The following AGBL3 variants were observed in gnomAD, a reference collection of about 807,000 sequenced individuals.
AGBL3 encodes cytosolic carboxypeptidase 3.
AGBL3 carries 68 observed loss-of-function variants against 94.5 expected under a neutral mutation model. The observed-to-expected ratio is 0.72, with a 90% CI of 0.59 to 0.88. The LOEUF (loss-of-function observed/expected upper bound fraction) is 0.88. Ranked by LOEUF, AGBL3 falls within the 40% of genes least tolerant of loss-of-function variation. AGBL3 has a pLI of 0.00. For missense variants in AGBL3, 934 were observed against 1,103.8 expected (o/e 0.85, Z 2.18); for synonymous variants, 354 against 370.7 (o/e 0.95, Z 0.52).
intron 15 of AGBL3, among the ~76,000 whole-genome samples, chr7:135,096,393 A>C (rs1161481606): frequency 7.4e-6 from 1 of 135,398 alleles, no homozygotes; most frequent in East Asian, 2.8e-4. Flanking sequence ...GAAGGAAGGA[A>C]GGGAGGGAGG....
At chr7:135,020,243 G>T (rs902901210) in intron 5 of AGBL3, among the ~76,000 whole-genome samples, 6 of 152,144 alleles carry the variant, frequency 3.9e-5, no homozygotes, top group African/African-American at 1.4e-4. Context: ...CAACAAGTGG[G>T]TGAAGGATAT....
rs1464850967 is a variant in AGBL3 at position 135,135,251 on chromosome 7, G to A, written c.2753G>A (p.Arg918Lys). ...CCCACCTTATATCTGAAGTTCCAAA[G>A]GGAGAGTTAATCTAGCTTTATACTG... is the stretch of plus-strand genomic sequence containing the variant. ...GQPTLYLKFQ[R>K]ES The change falls in exon 17 of 17, where the codon AGG becomes AAG. Residue 918 changes from arginine to lysine, a missense_variant. Around this residue, in one of 3 missense-constraint regions of AGBL3, gnomAD observed 441 missense variants for 518.2 expected, o/e 0.85. Coordinates refer to ENST00000436302, the MANE Select transcript of AGBL3 (RefSeq NM_178563.4). 5 of 1,518,948 alleles carry A rather than the reference G, an allele frequency of 3.3e-6. No homozygotes were observed. Among genetic ancestry groups the A allele is most frequent in the Non-Finnish European group, 4.4e-6 (5 of 1,133,042 alleles). 94.1% of individuals were successfully genotyped at this position (1,518,948 alleles called of 1,614,324 possible).
intron 4 of AGBL3, among the ~76,000 whole-genome samples, chr7:135,004,159 A>AT (rs1286074731): frequency 2.0e-5 from 3 of 151,732 alleles, no homozygotes; most frequent in Non-Finnish European, 3.0e-5. Context: ...ACTAAACTTT[A>AT]TTAAATGCCT....
intron 4 of AGBL3, among the ~76,000 whole-genome samples, chr7:135,004,213 T>C (rs1482543708): frequency 2.0e-5 from 3 of 151,740 alleles, no homozygotes; most frequent in Admixed American, 6.6e-5. Context: ...TTCTTCTCAT[T>C]TGACCTATTA....
At chr7:135,017,595 C>CA (rs763605524) in intron 5 of AGBL3, among the ~76,000 whole-genome samples, 3 of 152,204 alleles carry the variant, frequency 2.0e-5, no homozygotes, top group Non-Finnish European at 2.9e-5. Context: ...CCCCACTTTG[C>CA]AAAAAATCAA....
Position 135,115,433 on chromosome 7 carries a change from A to T in AGBL3, c.2164A>T (p.Lys722Ter). ...AAAAGAATGCATATCTTTCCAAAGC[A>T]AGAAGACTGGCATAAATTGGACAGA... Reference protein sequence around the residue: ...KIKECISFQSKKTGINWTDDE... With the variant: ...KIKECISFQS The change falls in exon 16 of 17, where the codon AAG (lysine) becomes TAG (stop). Residue 722 changes from lysine (K) to a stop codon, truncating the protein, a stop_gained. Transcript: ENST00000436302. LOFTEE classifies it high-confidence loss of function. 1 of 1,551,450 alleles carries T rather than the reference A, an allele frequency of 6.4e-7. No homozygotes were observed. The highest frequency in any genetic ancestry group is 8.7e-7 in the Non-Finnish European group (1 of 1,146,808).
In AGBL3 at chr7:135,095,810, G is replaced by A. The variant is rs182325155; in HGVS notation, c.2110+14020G>A. Among the ~76,000 whole-genome samples, 6 of 152,256 alleles carry A rather than the reference G, an allele frequency of 3.9e-5. No homozygotes were observed. The East Asian group carries it at 5.8e-4, about 15-fold the overall frequency. The stretch of plus-strand genomic sequence containing the variant: ...CAGGGGAGCATCACTCTGAGTGGAC[G>A]GGGGTACTGAAGTGCAACTTAAGTG... On this transcript the variant is annotated intron_variant, in intron 15 of 16. Coordinates refer to ENST00000436302, the MANE Select transcript of AGBL3 (RefSeq NM_178563.4).
At chr7:135,012,924 A>C (rs1813336044) in intron 4 of AGBL3, among the ~76,000 whole-genome samples, 1 of 152,164 alleles carries the variant, frequency 6.6e-6, no homozygotes, top group Admixed American at 6.5e-5. Flanking sequence ...AAAAAGAAAC[A>C]ATGAAAAATT....
chr7:135,081,620 T>A, intron 14 of AGBL3, 99 bp from the exon 15 acceptor site: 1 of 723,798 alleles, frequency 1.4e-6, no homozygotes, highest in Non-Finnish European at 2.2e-6. Flanking sequence ...GTCTACAAGT[T>A]ATTTACTAGC....
chr7:134,991,049 G>A (rs1247399166), intron 3 of AGBL3, among the ~76,000 whole-genome samples: 1 of 152,090 alleles, frequency 6.6e-6, no homozygotes, highest in Admixed American at 6.5e-5. Flanking sequence ...TGCTTATTTG[G>A]TTCTTTCCCA....
chr7:135,096,584 C>CATAGATAGATGATAG, intron 15 of AGBL3, among the ~76,000 whole-genome samples: 1 of 88,860 alleles, frequency 1.1e-5, no homozygotes, highest in African/African-American at 3.9e-5. Flanking sequence ...TAGATAGATA[C>CATAGATAGATGATAG]ATAGATAGAT....
Position 135,032,904 on chromosome 7 carries a change from AGCCTGTG to A in AGBL3, c.481_487del (p.Pro161IlefsTer7). 1 of 1,551,718 alleles carries A rather than the reference AGCCTGTG, an allele frequency of 6.4e-7. No individual in the cohort carries two copies. Among genetic ancestry groups the A allele is most frequent in the Non-Finnish European group, 8.7e-7 (1 of 1,146,888 alleles). ...GGGGGTAACCGAACACCTTTGAAGCAGCCTGTGGATTACCGTGACAATACTTTGATGT... is the reference window on the plus strand; with the variant it reads ...GGGGGTAACCGAACACCTTTGAAGCAGATTACCGTGACAATACTTTGATGT... On this transcript the variant is annotated frameshift_variant, in exon 6 of 17. Coordinates refer to ENST00000436302, the MANE Select transcript of AGBL3 (RefSeq NM_178563.4). LOFTEE classifies it high-confidence loss of function.
At chr7:135,000,774 G>A (rs571382638) in intron 4 of AGBL3, among the ~76,000 whole-genome samples, 16 of 152,088 alleles carry the variant, frequency 1.1e-4, no homozygotes, top group Non-Finnish European at 1.5e-4. Context: ...AGCTGCATCC[G>A]AACAATTTCT....
At chr7:135,076,545 T>G (rs1445924552) in intron 13 of AGBL3, 77 bp downstream of exon 13, 1 of 1,127,680 alleles carries the variant, frequency 8.9e-7, no homozygotes, top group Non-Finnish European at 1.3e-6. Context: ...TCTCTTATAC[T>G]TCTTATACCC....
At chr7:135,064,661 A>G (rs912774781) in intron 12 of AGBL3, among the ~76,000 whole-genome samples, 2 of 152,210 alleles carry the variant, frequency 1.3e-5, no homozygotes, top group South Asian at 4.1e-4. Context: ...AATAGAAAGG[A>G]AAGAAGGTGG....
Position 135,034,583 on chromosome 7 carries a change from C to G in AGBL3, c.992C>G (p.Thr331Arg). The G allele has an allele frequency of 6.4e-7, 1 of 1,551,782 alleles. No homozygotes were observed. Among genetic ancestry groups the G allele is most frequent in the Non-Finnish European group, 8.7e-7 (1 of 1,146,996 alleles). ...TGTAAAATACGTGTTTTGTGCCACA[C>G]GCTTGCTAGGAACATGGTGTATATT... ...KFCKIRVLCH[T>R]LARNMVYILT... is the part of the protein sequence containing the mutation. Residue 331 changes from threonine to arginine, a missense_variant, in exon 7 of 17, where the codon ACG (threonine) becomes AGG (arginine). By Grantham distance (71) the Thr-to-Arg change is moderately conservative (BLOSUM62 -1). Transcript: ENST00000436302.
chr7:135,119,732 C>A (rs1037647893), intron 16 of AGBL3, among the ~76,000 whole-genome samples: 10 of 151,978 alleles, frequency 6.6e-5, no homozygotes, highest in African/African-American at 2.4e-4. Context: ...AAAAAATTAG[C>A]TGGGCGTGGC....
chr7:135,046,837 C>T (rs1320003140), intron 11 of AGBL3, among the ~76,000 whole-genome samples: 3 of 151,976 alleles, frequency 2.0e-5, no homozygotes, highest in Non-Finnish European at 2.9e-5. Context: ...GAGTAGATAT[C>T]AAGGAGCATG....
At chr7:135,124,121 C>A (rs1827522312) in intron 16 of AGBL3, among the ~76,000 whole-genome samples, 1 of 151,962 alleles carries the variant, frequency 6.6e-6, no homozygotes, top group Non-Finnish European at 1.5e-5. Flanking sequence ...GAGTCAAGTC[C>A]CATTGGTGTG....
Sources: allele counts gnomAD v4.1 joint callset (sites outside exome capture counted in the v4.1 genomes callset), GRCh38; gene constraint gnomAD v4.1.1; regional missense constraint gnomAD v4.1.1; transcripts MANE v1.5; gene names NCBI Gene and HGNC (gene_info 2026-07-23, HGNC 2026-07-21).